Variants in NKAIN2 observed in about 807,000 individuals in gnomAD.
NKAIN2 encodes the protein sodium/potassium-transporting ATPase subunit beta-1-interacting protein 2.
In NKAIN2, 14 loss-of-function variants were observed where a neutral mutation model predicts 32.6. The observed-to-expected ratio is 0.43, with a 90% CI of 0.28 to 0.67. The LOEUF (loss-of-function observed/expected upper bound fraction) is 0.67. Ranked by LOEUF, NKAIN2 falls within the 30% of genes least tolerant of loss-of-function variation. The pLI is 0.17. For missense variants in NKAIN2, 198 were observed against 258.3 expected (o/e 0.77, Z 1.60); for synonymous variants, 80 against 87.2 (o/e 0.92, Z 0.46).
At chr6:124,231,857 A>T (rs1021304629) in intron 1 of NKAIN2, among the ~76,000 whole-genome samples, 3 of 95,050 alleles carry the variant, frequency 3.2e-5, no homozygotes, top group Admixed American at 2.0e-4. Flanking sequence ...CTTTATATAA[A>T]TATACATATA....
At position 124,792,646 on chromosome 6, in the gene NKAIN2, C is replaced by T. The variant is rs544512511; in HGVS notation, c.535+1247C>T. Among the ~76,000 whole-genome samples, 14 of 152,070 alleles carry T rather than the reference C, an allele frequency of 9.2e-5. No homozygotes were observed. The South Asian group carries it at 2.1e-3, about 23-fold the overall frequency. On this transcript the variant is annotated intron_variant, in intron 5 of 6. Transcript: ENST00000368417. ...CTGTGGGTAAAGAGAAGAAAGAGAT[C>T]AGGAGAAGGTTTATAGAGAACAGTT... is the stretch of plus-strand genomic sequence containing the variant.
rs546735673 is a variant in NKAIN2, at chr6:123,906,478, AGACAGG to A, written c.54+102226_54+102231del. ...GCTAATTTTTTTCTAGTTTTTGTAG[AGACAGG>A]GTTTCTCCATGTTGCCCAGGCTGGT... On this transcript the variant is annotated intron_variant, in intron 1 of 6. Coordinates refer to ENST00000368417, the MANE Select transcript of NKAIN2 (RefSeq NM_001040214.3). Among the ~76,000 whole-genome samples the A allele has an allele frequency of 6.3e-3, 963 of 152,132 alleles. 2 individuals are homozygous for A. Among genetic ancestry groups the A allele is most frequent in the Middle Eastern group, 0.034 (10 of 294 alleles).
intron 1 of NKAIN2, among the ~76,000 whole-genome samples, chr6:124,107,621 G>A (rs76058387): frequency 1.3e-5 from 2 of 152,194 alleles, no homozygotes; most frequent in African/African-American, 4.8e-5. Context: ...TAGGCACAAC[G>A]TTGCATGCAG....
chr6:124,167,629 C>T (rs1788626408), intron 1 of NKAIN2, among the ~76,000 whole-genome samples: 1 of 152,120 alleles, frequency 6.6e-6, no homozygotes, highest in South Asian at 2.1e-4. Context: ...AGTTTTTGCC[C>T]ATTCAGTATG....
chr6:124,009,890 T>C (rs569477561), intron 1 of NKAIN2, among the ~76,000 whole-genome samples: 57 of 152,210 alleles, frequency 3.7e-4, no homozygotes, highest in Middle Eastern at 3.4e-3. Context: ...TATGTATATG[T>C]GTATAAAATG....
intron 3 of NKAIN2, among the ~76,000 whole-genome samples, chr6:124,394,252 G>GT (rs1773264722): frequency 6.6e-6 from 1 of 152,078 alleles, no homozygotes; most frequent in Non-Finnish European, 1.5e-5. Context: ...AAATGGCTGG[G>GT]TTATGTTTTC....
At chr6:123,867,733 T>C (rs1368234402) in intron 1 of NKAIN2, among the ~76,000 whole-genome samples, 1 of 152,194 alleles carries the variant, frequency 6.6e-6, no homozygotes, top group African/African-American at 2.4e-5. Context: ...CTCAAACATT[T>C]CCTCTTCTCT....
intron 1 of NKAIN2, among the ~76,000 whole-genome samples, chr6:124,033,708 G>A (rs537016241): frequency 1.3e-5 from 2 of 152,212 alleles, no homozygotes; most frequent in Non-Finnish European, 1.5e-5. Context: ...TGGGAATTTG[G>A]TTGGGTCATG....
intron 1 of NKAIN2, among the ~76,000 whole-genome samples, chr6:124,033,930 A>G (rs1205953639): frequency 6.6e-6 from 1 of 152,216 alleles, no homozygotes. Context: ...TAGGTGTAGA[A>G]TATCCTTACA....
chr6:124,608,912 C>T (rs998561557), intron 3 of NKAIN2, among the ~76,000 whole-genome samples: 1 of 152,130 alleles, frequency 6.6e-6, no homozygotes, highest in Non-Finnish European at 1.5e-5. Context: ...TAATGACATT[C>T]GAGGTAGGCA....
chr6:124,425,539 A>G, intron 3 of NKAIN2, among the ~76,000 whole-genome samples: 1 of 150,642 alleles, frequency 6.6e-6, no homozygotes, highest in Non-Finnish European at 1.5e-5. Flanking sequence ...GTATTTGCAA[A>G]CTCTATATCT....
At chr6:124,475,767 T>G (rs557252291) in intron 3 of NKAIN2, among the ~76,000 whole-genome samples, 1 of 152,282 alleles carries the variant, frequency 6.6e-6, no homozygotes, top group South Asian at 2.1e-4. Context: ...CTTACTTGAA[T>G]AGAGTATGAC....
chr6:124,569,571 A>G (rs1259661576), intron 3 of NKAIN2, among the ~76,000 whole-genome samples: 1 of 152,090 alleles, frequency 6.6e-6, no homozygotes, highest in Non-Finnish European at 1.5e-5. Context: ...ACCGTGAATA[A>G]GGCTCGTGAG....
intron 3 of NKAIN2, among the ~76,000 whole-genome samples, chr6:124,369,828 A>G (rs181582913): frequency 6.8e-6 from 1 of 148,126 alleles, no homozygotes; most frequent in East Asian, 2.0e-4. Context: ...CTCATTTGGA[A>G]ACTAAATTAA....
chr6:124,049,771 G>A (rs1002660274), intron 1 of NKAIN2, among the ~76,000 whole-genome samples: 4 of 152,018 alleles, frequency 2.6e-5, no homozygotes, highest in Middle Eastern at 3.4e-3. Flanking sequence ...CCACATAGTC[G>A]CTGCTCAAGG....
chr6:124,497,762 T>C (rs967235711), intron 3 of NKAIN2, among the ~76,000 whole-genome samples: 3 of 149,426 alleles, frequency 2.0e-5, no homozygotes, highest in Non-Finnish European at 4.4e-5. Context: ...AGGCAGATTT[T>C]AATTAATGTA....
At chr6:124,624,469 G>A (rs1022350765) in intron 3 of NKAIN2, among the ~76,000 whole-genome samples, 1 of 152,152 alleles carries the variant, frequency 6.6e-6, no homozygotes, top group African/African-American at 2.4e-5. Context: ...TGGAGCATGA[G>A]TTCAGTTGTA....
chr6:124,033,139 T>C (rs1165127985), intron 1 of NKAIN2, among the ~76,000 whole-genome samples: 1 of 152,022 alleles, frequency 6.6e-6, no homozygotes, highest in Non-Finnish European at 1.5e-5. Context: ...ATTCACAATA[T>C]AAAAAGTTTA....
chr6:124,196,988 TGTA>T (rs1790346289), intron 1 of NKAIN2, among the ~76,000 whole-genome samples: 1 of 151,852 alleles, frequency 6.6e-6, no homozygotes, highest in Admixed American at 6.6e-5. Flanking sequence ...TTAAGAAGGT[TGTA>T]GTCTATATCA....
Sources: gnomAD v4.1 joint callset for allele counts (sites outside exome capture counted in the v4.1 genomes callset) on GRCh38, gnomAD v4.1.1 for gene constraint, MANE v1.5 for transcripts, NCBI Gene and HGNC (gene_info 2026-07-23, HGNC 2026-07-21) for gene names.